The following SOX6 variants were observed in gnomAD, a reference collection of about 807,000 sequenced individuals.
SOX6 encodes transcription factor SOX-6.
Under a neutral mutation model 97.8 loss-of-function variants are expected in SOX6, and 11 were observed. That is an observed-to-expected ratio of 0.11 (90% CI 0.07 to 0.19). The LOEUF (loss-of-function observed/expected upper bound fraction) is 0.19, where lower values mean the gene tolerates loss of function less well. SOX6 is among the 10% of genes least tolerant of loss of function. The pLI, the probability that SOX6 is intolerant of heterozygous loss-of-function variation, is 1.00. For synonymous variants in SOX6, 360 were observed against 371.4 expected (o/e 0.97, Z 0.35); for missense variants, 810 against 1,039.5 (o/e 0.78, Z 3.04).
At chr11:16,539,708 C>T (rs992808528) in intron 4 of SOX6, among the ~76,000 whole-genome samples, 12 of 152,268 alleles carry the variant, frequency 7.9e-5, no homozygotes, top group African/African-American at 1.2e-4. Context: ...TGCAAATAAA[C>T]TAGAAAATTT....
At chr11:16,320,577 T>C (rs374793770) in intron 2 of SOX6, among the ~76,000 whole-genome samples, 1 of 152,104 alleles carries the variant, frequency 6.6e-6, no homozygotes, top group Non-Finnish European at 1.5e-5. Context: ...GTTTAATAAC[T>C]GGTAGATACT....
In SOX6 at chr11:16,634,910, A is replaced by C. The variant is rs190606115; in HGVS notation, n.430-22650T>G. On this transcript the variant is annotated intron_variant and non_coding_transcript_variant, in intron 3 of 5. Coordinates refer to the SOX6 transcript ENST00000524520. ...AGTTCTCACGAGTTCTGATGGTTTTATAAGGGTTTTTTCCCACCCTTCACT... is the reference window on the plus strand; with the variant it reads ...AGTTCTCACGAGTTCTGATGGTTTTCTAAGGGTTTTTTCCCACCCTTCACT... Among the ~76,000 whole-genome samples, 296 of 152,206 alleles carry C rather than the reference A, an allele frequency of 1.9e-3. 1 individual carries two copies. Among genetic ancestry groups the C allele is most frequent in the Non-Finnish European group, 3.1e-3 (213 of 68,008 alleles).
chr11:16,340,869 T>C (rs985189116), intron 2 of SOX6, 143 bp downstream of exon 2: 9 of 1,156,192 alleles, frequency 7.8e-6, no homozygotes, highest in African/African-American at 1.5e-5. Flanking sequence ...GTTATTAGTA[T>C]CTTAGTAATA....
intron 3 of SOX6, among the ~76,000 whole-genome samples, chr11:16,241,809 A>G (rs11822790): frequency 0.17 from 25,293 of 152,040 alleles, 2,600 homozygotes; most frequent in Admixed American, 0.29. Flanking sequence ...CCTGCCTGCA[A>G]TAAGAGTGAA....
At chr11:16,639,688 G>C (rs1205744202) in intron 3 of SOX6, among the ~76,000 whole-genome samples, 1 of 152,158 alleles carries the variant, frequency 6.6e-6, no homozygotes, top group East Asian at 1.9e-4. Context: ...TTGTGAATGG[G>C]TGTTCACTCA....
At chr11:16,720,640 A>G (rs1431663525) in intron 2 of SOX6, among the ~76,000 whole-genome samples, 1 of 148,490 alleles carries the variant, frequency 6.7e-6, no homozygotes, top group Non-Finnish European at 1.5e-5. Flanking sequence ...ACATGTATAC[A>G]TATGTAACTA....
intron 7 of SOX6, among the ~76,000 whole-genome samples, chr11:16,108,594 G>A (rs1849155172): frequency 1.3e-5 from 2 of 152,160 alleles, no homozygotes; most frequent in African/African-American, 2.4e-5. Flanking sequence ...ATCTGATGAT[G>A]AGTTCCTATC....
intron 4 of SOX6, among the ~76,000 whole-genome samples, chr11:16,608,461 G>A (rs906755944): frequency 1.5e-4 from 22 of 151,054 alleles, no homozygotes; most frequent in African/African-American, 4.6e-4. Context: ...GAAGGATGAA[G>A]GAAAACGAAA....
intron 7 of SOX6, among the ~76,000 whole-genome samples, chr11:16,103,417 T>C (rs1178187296): frequency 6.6e-6 from 1 of 151,676 alleles, no homozygotes; most frequent in Non-Finnish European, 1.5e-5. Context: ...TTTTACACTG[T>C]TGGGAATGTA....
intron 5 of SOX6, among the ~76,000 whole-genome samples, chr11:16,185,524 C>T (rs1036090497): frequency 6.6e-6 from 1 of 152,302 alleles, no homozygotes; most frequent in Admixed American, 6.5e-5. Context: ...AAGTATGGTA[C>T]ATAAGCGCCA....
chr11:16,690,477 C>CA (rs991846734), intron 3 of SOX6, among the ~76,000 whole-genome samples: 5 of 151,950 alleles, frequency 3.3e-5, no homozygotes, highest in East Asian at 3.9e-4. Context: ...TTTGCTGAAG[C>CA]AAAAAAATCT....
intron 2 of SOX6, among the ~76,000 whole-genome samples, chr11:16,330,429 C>G (rs1233734091): frequency 2.6e-5 from 4 of 152,142 alleles, no homozygotes; most frequent in Non-Finnish European, 4.4e-5. Context: ...GTGGCACACA[C>G]CTGTAATCCC....
At chr11:16,712,816 T>C (rs1172821865) in intron 3 of SOX6, among the ~76,000 whole-genome samples, 1 of 152,216 alleles carries the variant, frequency 6.6e-6, no homozygotes, top group African/African-American at 2.4e-5. Flanking sequence ...ATAAGCTCCA[T>C]AAAGGCAGAG....
intron 4 of SOX6, among the ~76,000 whole-genome samples, chr11:16,492,713 T>C (rs1860530925): frequency 6.6e-6 from 1 of 152,102 alleles, no homozygotes; most frequent in African/African-American, 2.4e-5. Flanking sequence ...TCTACTTTTG[T>C]TGGAATCCAA....
intron 1 of SOX6, among the ~76,000 whole-genome samples, chr11:16,365,669 C>T (rs1857339408): frequency 6.6e-6 from 1 of 152,070 alleles, no homozygotes; most frequent in East Asian, 1.9e-4. Context: ...TGGACTGCTG[C>T]CTGCATTTCT....
intron 1 of SOX6, chr11:16,465,894 A>C (rs1860021153): frequency 6.6e-6 from 1 of 152,238 alleles, no homozygotes; most frequent in African/African-American, 2.4e-5. Context: ...CTCTCTAGTA[A>C]CATAACAAGT....
chr11:16,067,888 G>C (rs1348544235), intron 9 of SOX6, among the ~76,000 whole-genome samples: 2 of 151,768 alleles, frequency 1.3e-5, no homozygotes, highest in Admixed American at 6.6e-5. Flanking sequence ...ATAAAGAAAG[G>C]AAGAAAAAAA....
intron 4 of SOX6, among the ~76,000 whole-genome samples, chr11:16,563,543 C>A (rs1368971354): frequency 6.6e-6 from 1 of 152,092 alleles, no homozygotes; most frequent in Non-Finnish European, 1.5e-5. Context: ...GAAGACAGAA[C>A]AATAGAATAT....
intron 6 of SOX6, among the ~76,000 whole-genome samples, chr11:16,133,006 A>C (rs779463239): frequency 6.6e-6 from 1 of 152,140 alleles, no homozygotes; most frequent in Non-Finnish European, 1.5e-5. Flanking sequence ...TAGGCCCTGG[A>C]ATAAGAGAAT....
Sources: allele counts gnomAD v4.1 joint callset (sites outside exome capture counted in the v4.1 genomes callset), GRCh38; gene constraint gnomAD v4.1.1; transcripts MANE v1.5; gene names NCBI Gene and HGNC (gene_info 2026-07-23, HGNC 2026-07-21).